The following ARHGEF2 variants were observed in gnomAD, a reference collection of about 807,000 sequenced individuals.
ARHGEF2 encodes rho guanine nucleotide exchange factor 2.
A neutral mutation model predicts 121.0 loss-of-function variants in ARHGEF2; 22 were observed. The observed-to-expected ratio is 0.18, with a 90% CI of 0.13 to 0.26. The LOEUF (loss-of-function observed/expected upper bound fraction) is 0.26. Among genes scored for constraint, ARHGEF2 ranks in the 10% least tolerant of loss-of-function variants. The pLI, the probability that ARHGEF2 is intolerant of heterozygous loss-of-function variation, is 1.00. For synonymous variants in ARHGEF2, 487 were observed against 530.0 expected, an observed-to-expected ratio of 0.92 and a Z score of 1.11; for missense variants, 907 against 1,336.0, an observed-to-expected ratio of 0.68 and a Z score of 5.01.
chr1:155,970,181 CCTTT>C, intron 1 of ARHGEF2: 1 of 985,498 alleles, frequency 1.0e-6, no homozygotes, highest in Non-Finnish European at 1.2e-6. Flanking sequence ...CCTAGGAAGT[CCTTT>C]CTGACATCTA....
rs1678256165 is a variant in ARHGEF2 at position 155,962,879 on chromosome 1, A to G, written c.975+54T>C. The G allele has an allele frequency of 6.2e-6, 10 of 1,609,334 alleles. No individual in the cohort carries two copies. The South Asian group carries it at 7.7e-5, about 12-fold the overall frequency. Reference sequence around the variant, plus strand: ...AGAATTTGGACCCAAGAAATGCCCAACCCAGTCACACCTCCTTCCATGAAT... The same window carrying G: ...AGAATTTGGACCCAAGAAATGCCCAGCCCAGTCACACCTCCTTCCATGAAT... On this transcript the variant is annotated intron_variant, in intron 8 of 21. Coordinates refer to ENST00000361247, the MANE Select transcript of ARHGEF2 (RefSeq NM_001162383.2). The surrounding 1 kb of genome is among the most constrained non-coding windows in gnomAD (Gnocchi z 5.8).
At position 155,947,818 on chromosome 1, in the gene ARHGEF2, A is replaced by G; in HGVS notation, c.*124T>C. On this transcript the variant is annotated 3_prime_UTR_variant, in exon 22 of 22. Coordinates refer to ENST00000361247, the MANE Select transcript of ARHGEF2 (RefSeq NM_001162383.2). ...GCCCCAGGTATCCAAGGATCCCAAGAGCTGGCAAGGACAATTTGCAGTTCT... is the reference window on the plus strand; with the variant it reads ...GCCCCAGGTATCCAAGGATCCCAAGGGCTGGCAAGGACAATTTGCAGTTCT... The G allele has an allele frequency of 3.3e-6, 2 of 610,476 alleles. No homozygotes were observed. Among genetic ancestry groups the G allele is most frequent in the Non-Finnish European group, 5.8e-6 (2 of 344,774 alleles). The allele number at this position is 610,476 out of a possible 1,614,324, so 37.8% of individuals were successfully genotyped here.
rs765841135 is a variant in ARHGEF2 at position 155,966,823 on chromosome 1, C to G, written c.273G>C (p.Gln91His). ...TCTGCCCTCCCTGCCGTCTCACCTT[C>G]TGCTTGACCTTGGTACAGTTGGCGA... ...DTLANCTKVK[Q>H]KQQKAALLKN... is the part of the protein sequence containing the mutation. Residue 91 changes from glutamine to histidine, a missense_variant, in exon 3 of 22, where the codon CAG becomes CAC. By Grantham distance (24) the Gln-to-His change is conservative. Coordinates refer to ENST00000361247, the MANE Select transcript of ARHGEF2 (RefSeq NM_001162383.2). The G allele has an allele frequency of 6.2e-7, 1 of 1,612,852 alleles. No homozygotes were observed. Among genetic ancestry groups the G allele is most frequent in the Non-Finnish European group, 8.5e-7 (1 of 1,179,018 alleles).
At chr1:155,964,199 C>T (rs71517802) in intron 7 of ARHGEF2, among the ~76,000 whole-genome samples, 238 of 44,798 alleles carry the variant, frequency 5.3e-3, no homozygotes, top group East Asian at 0.022. Context: ...TATATATATA[C>T]ATATATATAT....
chr1:155,951,870 G>A lies in ARHGEF2; in HGVS notation c.2172+49C>T, dbSNP rs764570684. 9 of 1,612,760 alleles carry A rather than the reference G, an allele frequency of 5.6e-6. No individual in the cohort carries two copies. Among genetic ancestry groups the A allele is most frequent in the Non-Finnish European group, 7.6e-6 (9 of 1,179,442 alleles). On this transcript the variant is annotated intron_variant, in intron 17 of 21. Coordinates refer to ENST00000361247, the MANE Select transcript of ARHGEF2 (RefSeq NM_001162383.2). This position sits in a 1 kb window ranked among gnomAD's most constrained non-coding sequence, Gnocchi z 5.1. ...TGTGTTGAGGATCCAGAGGCTGGCT[G>A]TCCCTCTCCCACCCTCTTGCCAAGT...
intron 13 of ARHGEF2, among the ~76,000 whole-genome samples, chr1:155,955,434 T>C (rs895022914): frequency 3.9e-5 from 6 of 152,014 alleles, no homozygotes; most frequent in African/African-American, 1.2e-4. Flanking sequence ...CTCCCATTTC[T>C]TAGCACTGAT....
At chr1:155,971,579 C>A (rs867422870) in intron 1 of ARHGEF2, among the ~76,000 whole-genome samples, 120 of 92,530 alleles carry the variant, frequency 1.3e-3, no homozygotes, top group Admixed American at 2.0e-3. Flanking sequence ...GACTATGTCT[C>A]AAAAAAAAAA....
chr1:155,959,775 C>T (rs1677508632), intron 11 of ARHGEF2, among the ~76,000 whole-genome samples: 1 of 152,162 alleles, frequency 6.6e-6, no homozygotes, highest in South Asian at 2.1e-4. Flanking sequence ...GAATTCCGGA[C>T]CTCAGGCGAT....
chr1:155,964,911 A>T, intron 7 of ARHGEF2, 77 bp downstream of exon 7: 3 of 1,486,902 alleles, frequency 2.0e-6, no homozygotes, highest in East Asian at 4.6e-5. Context: ...AAAAAAAAAG[A>T]AAAAGAAAAA....
chr1:155,968,053 G>A (rs181149452), intron 2 of ARHGEF2, among the ~76,000 whole-genome samples: 92 of 150,700 alleles, frequency 6.1e-4, no homozygotes, highest in Middle Eastern at 3.4e-3. Context: ...AGTGCTGCCC[G>A]CCTCCCCTGT....
chr1:155,966,930 T>C, intron 2 of ARHGEF2, 43 bp from the exon 3 acceptor site: 1 of 1,580,010 alleles, frequency 6.3e-7, no homozygotes, highest in Non-Finnish European at 8.7e-7. Flanking sequence ...GGCCGGGTGG[T>C]ACAGGAGGGG....
Position 155,978,527 on chromosome 1 carries a change from CG to C in ARHGEF2, c.-101del. ...GGGTTCGGCCCGCACGCGTTGGTCT[CG>C]GGGACAGGAAGTCTGACTCCCCTCG... is the stretch of plus-strand genomic sequence containing the variant. On this transcript the variant is annotated 5_prime_UTR_variant, in exon 1 of 22. Transcript: ENST00000361247. This position sits in a 1 kb window ranked among gnomAD's most constrained non-coding sequence, Gnocchi z 4.1. 7.8e-7 allele frequency: 1 copy of C among 1,289,518 alleles called. No individual in the cohort carries two copies. Among genetic ancestry groups the C allele is most frequent in the South Asian group, 2.3e-5 (1 of 43,356 alleles). The allele number at this position is 1,289,518 out of a possible 1,614,324, so 79.9% of individuals were successfully genotyped here.
At chr1:155,949,439 G>A (rs894125391) in intron 21 of ARHGEF2, among the ~76,000 whole-genome samples, 1 of 151,518 alleles carries the variant, frequency 6.6e-6, no homozygotes, top group African/African-American at 2.4e-5. Context: ...AATTAGCTGG[G>A]CGTGGAGGCA....
intron 1 of ARHGEF2, among the ~76,000 whole-genome samples, chr1:155,977,142 A>G (rs1681438133): frequency 6.6e-6 from 1 of 152,128 alleles, no homozygotes; most frequent in African/African-American, 2.4e-5. Flanking sequence ...GGCTGGCACC[A>G]GGGTAGTAGG....
At chr1:155,968,978 A>T in intron 2 of ARHGEF2, 178 bp downstream of exon 2, 1 of 702,506 alleles carries the variant, frequency 1.4e-6, no homozygotes, top group Non-Finnish European at 2.3e-6. Context: ...TCCAACAGCC[A>T]CCACCCCTCA....
chr1:155,963,316 T>C (rs1289639206), intron 7 of ARHGEF2, 133 bp from the exon 8 acceptor site: 4 of 765,358 alleles, frequency 5.2e-6, no homozygotes, highest in East Asian at 5.4e-5. Flanking sequence ...ATTATTATGA[T>C]CTTAGATACT....
At chr1:155,974,881 C>T (rs1681055337) in intron 1 of ARHGEF2, among the ~76,000 whole-genome samples, 1 of 151,964 alleles carries the variant, frequency 6.6e-6, no homozygotes, top group African/African-American at 2.4e-5. Context: ...AACAGACAGG[C>T]ATTTGTGCAA....
intron 1 of ARHGEF2, chr1:155,970,929 A>G (rs1022285968): frequency 9.1e-6 from 9 of 985,986 alleles, no homozygotes; most frequent in Admixed American, 6.2e-5. Flanking sequence ...CCCATCCCCA[A>G]TCATCCATTT....
In ARHGEF2 at chr1:155,965,086, T is replaced by G; in HGVS notation, c.626A>C (p.Glu209Ala). ...SELMSDFEMD[E>A]KDFAADSWSL... ...CCAAGAGTCAGCTGCAAAGTCCTTC[T>G]CATCCATCTCAAAGTCACTCATCAG... Residue 209 changes from glutamate (E) to alanine (A), a missense_variant, in exon 7 of 22, where the codon GAG (glutamate) becomes GCG (alanine). Glu to Ala is a moderately radical substitution (Grantham distance 107, BLOSUM62 -1). Coordinates refer to ENST00000361247, the MANE Select transcript of ARHGEF2 (RefSeq NM_001162383.2). The surrounding 1 kb of genome is among the most constrained non-coding windows in gnomAD (Gnocchi z 6.0). 1 of 1,614,088 alleles carries G rather than the reference T, an allele frequency of 6.2e-7. No homozygotes were observed. The highest frequency in any genetic ancestry group is 8.5e-7 in the Non-Finnish European group (1 of 1,180,014).
Sources: gnomAD v4.1 joint callset for allele counts (sites outside exome capture counted in the v4.1 genomes callset) on GRCh38, gnomAD v4.1.1 for gene constraint, Gnocchi (gnomAD v3.1) non-coding constraint, MANE v1.5 for transcripts, NCBI Gene and HGNC (gene_info 2026-07-23, HGNC 2026-07-21) for gene names.